INTS1: variants seen among roughly 807,000 people sequenced by gnomAD.
The protein encoded by INTS1 is integrator complex subunit 1.
In INTS1, 137 loss-of-function variants were observed where a neutral mutation model predicts 241.6. That is an observed-to-expected ratio of 0.57 (90% CI 0.49 to 0.65). The LOEUF (loss-of-function observed/expected upper bound fraction) is 0.65. Ranked by LOEUF, INTS1 falls within the 30% of genes least tolerant of loss-of-function variation. The pLI is 0.00. For synonymous variants in INTS1, 1,692 were observed against 1,337.8 expected, an observed-to-expected ratio of 1.26 and a Z score of -5.78; for missense variants, 3,073 against 3,032.2, an observed-to-expected ratio of 1.01 and a Z score of -0.32.
At chr7:1,471,015 C>A (rs1685325256) in intron 46 of INTS1, 60 bp from the exon 47 acceptor site, 2 of 1,519,360 alleles carry the variant, frequency 1.3e-6, no homozygotes, top group South Asian at 1.2e-5. Context: ...AGACCCCCAC[C>A]CGACAGGGCG....
At position 1,489,294 on chromosome 7, in the gene INTS1, C is replaced by T. The variant is rs1227924099; in HGVS notation, c.2318+50G>A. 7 of 111,176 alleles carry T rather than the reference C, an allele frequency of 6.3e-5. No homozygotes were observed. The Admixed American group carries it at 7.4e-4, about 12-fold the overall frequency. The allele number at this position is 111,176 out of a possible 1,614,324, so 6.9% of individuals were successfully genotyped here. On this transcript the variant is annotated intron_variant, in intron 18 of 47. Transcript: ENST00000404767. ...GGAACACAGCCCCAGCGGAACGAGA[C>T]CAGGCCCTGCTCCCCATCCCGGGCC... is the stretch of plus-strand genomic sequence containing the variant.
At chr7:1,488,303 T>C (rs1782377788) in intron 18 of INTS1, among the ~76,000 whole-genome samples, 3 of 152,172 alleles carry the variant, frequency 2.0e-5, no homozygotes. Flanking sequence ...TTGACAGCCA[T>C]GTAGGCTCTG....
chr7:1,471,462 A>G lies in INTS1; in HGVS notation c.6255+109T>C, dbSNP rs1781464108. 5 of 1,246,438 alleles carry G rather than the reference A, an allele frequency of 4.0e-6. No individual in the cohort carries two copies. The East Asian group carries it at 1.2e-4, about 30-fold the overall frequency. 77.2% of individuals were successfully genotyped at this position (1,246,438 alleles called of 1,614,324 possible). A position where few individuals can be genotyped will look rare whatever the true frequency, so the allele number is the denominator to read the frequency against. ...GCCCCCACCCGAAGCCCAGCCTCAG[A>G]GGACTCCCTGGGGCTCAGCGCGGGC... On this transcript the variant is annotated intron_variant, in intron 45 of 47. Transcript: ENST00000404767.
chr7:1,497,121 G>C lies in INTS1; in HGVS notation c.1602+17C>G. 6.3e-7 allele frequency: 1 copy of C among 1,585,662 alleles called. No individual in the cohort carries two copies. Among genetic ancestry groups the C allele is most frequent in the Non-Finnish European group, 8.6e-7 (1 of 1,167,856 alleles). On this transcript the variant is annotated intron_variant, in intron 11 of 47. Coordinates refer to ENST00000404767, the MANE Select transcript of INTS1 (RefSeq NM_001080453.3). The surrounding 1 kb of genome is among the most constrained non-coding windows in gnomAD (Gnocchi z 5.3). ...CCCGCAGTGAGGGAAAGGCGCCCCA[G>C]CGGCGAGGGCTGGCACCTTGAACTC...
rs1157639557 is a variant in INTS1, at chr7:1,503,093, G to A, written c.157C>T (p.Leu53=). The A allele has an allele frequency of 1.9e-6, 3 of 1,610,982 alleles. No individual in the cohort carries two copies. The highest frequency in any genetic ancestry group is 2.5e-6 in the Non-Finnish European group (3 of 1,177,668). The change falls in exon 3 of 48, where the codon CTG becomes TTG. Residue 53 remains leucine (L), a synonymous_variant. Coordinates refer to ENST00000404767, the MANE Select transcript of INTS1 (RefSeq NM_001080453.3). ...GCATCCCGCTTGCGCTCAGAAGGCA[G>A]GCCGGAAGGGGCTGGCTTCAGCAGG... ...STLLKPAPSG[L]PSERKRDAAA...
chr7:1,479,788 C>T, intron 30 of INTS1, 104 bp from the exon 31 acceptor site: 1 of 1,237,586 alleles, frequency 8.1e-7, no homozygotes, highest in Non-Finnish European at 1.1e-6. Flanking sequence ...AACCGCGTCC[C>T]ATCGTGTCCC....
At chr7:1,471,836 G>T in intron 44 of INTS1, 195 bp from the exon 45 acceptor site, 1 of 605,486 alleles carries the variant, frequency 1.7e-6, no homozygotes, top group South Asian at 2.0e-5. Context: ...CCTACTAGTG[G>T]CCTCCAAGGA....
intron 22 of INTS1, among the ~76,000 whole-genome samples, chr7:1,486,300 G>GT (rs1485101312): frequency 1.4e-5 from 2 of 147,154 alleles, no homozygotes; most frequent in Non-Finnish European, 3.0e-5. Flanking sequence ...AGTTTCACTT[G>GT]TTGCCCAGGC....
intron 39 of INTS1, among the ~76,000 whole-genome samples, 175 bp downstream of exon 39, chr7:1,475,773 C>T (rs866876208): frequency 4.9e-4 from 74 of 152,260 alleles, no homozygotes; most frequent in African/African-American, 1.7e-3. Context: ...CCCGCAAGCT[C>T]CCTCGGTATA....
chr7:1,484,202 C>T (rs377280269), intron 24 of INTS1, 32 bp from the exon 25 acceptor site: 1 of 1,587,398 alleles, frequency 6.3e-7, no homozygotes, highest in Non-Finnish European at 8.6e-7. Context: ...GTCAGAGGCT[C>T]CGAGACAGCT....
At chr7:1,471,765 G>A (rs915461253) in intron 44 of INTS1, 124 bp from the exon 45 acceptor site, 23 of 871,396 alleles carry the variant, frequency 2.6e-5, no homozygotes, top group Non-Finnish European at 4.2e-5. Context: ...TGGAAAGCAT[G>A]AGCCCAGTGA....
rs758229876 is a variant in INTS1, at chr7:1,485,398, A to G, written c.3048T>C (p.Asp1016=). Residue 1016 remains aspartate, a synonymous_variant, in exon 23 of 48, where the codon GAT becomes GAC. Transcript: ENST00000404767. ...CCTGCAGCACATCTGTGTCCCCCAC[A>G]TCCTCCTCCATGGGGGGCTCCTTCT... ...GEEKEPPMEE[D]VGDTDVLQGY... 62 of 1,612,590 alleles carry G rather than the reference A, an allele frequency of 3.8e-5. No homozygotes were observed. The highest frequency in any genetic ancestry group is 1.2e-4 in the African/African-American group (9 of 74,924).
intron 5 of INTS1, 111 bp downstream of exon 5, chr7:1,499,773 C>T: frequency 6.8e-7 from 1 of 1,464,892 alleles, no homozygotes; most frequent in Non-Finnish European, 9.2e-7. Flanking sequence ...CCATCACCAC[C>T]AGGGCTGTCA....
chr7:1,500,586 A>G (rs1583165947), intron 3 of INTS1, among the ~76,000 whole-genome samples: 1 of 152,310 alleles, frequency 6.6e-6, no homozygotes, highest in African/African-American at 2.4e-5. Context: ...CTAGCCCACC[A>G]GCCACTCCAG....
At chr7:1,474,952 G>A in intron 39 of INTS1, 114 bp from the exon 40 acceptor site, 1 of 1,377,204 alleles carries the variant, frequency 7.3e-7, no homozygotes, top group Non-Finnish European at 9.7e-7. Context: ...GCCATGAGCA[G>A]AGGAACTGGC....
chr7:1,491,583 A>G (rs953097970), intron 16 of INTS1, among the ~76,000 whole-genome samples: 1 of 152,230 alleles, frequency 6.6e-6, no homozygotes, highest in Non-Finnish European at 1.5e-5. Context: ...AAAATAGATA[A>G]AAGTGGATTT....
rs1373492655 is a variant in INTS1, at chr7:1,471,116, G to A, written c.6347+17C>T. 2 of 1,551,936 alleles carry A rather than the reference G, an allele frequency of 1.3e-6. No individual in the cohort carries two copies. The highest frequency in any genetic ancestry group is 1.7e-6 in the Non-Finnish European group (2 of 1,147,996). On this transcript the variant is annotated intron_variant, in intron 46 of 47. Coordinates refer to ENST00000404767, the MANE Select transcript of INTS1 (RefSeq NM_001080453.3). ...GCCCAGCGGTGGCGGCGGGACAGAGGCCGGCGGTGGCCTCACCTGGGGCTG... is the reference window on the plus strand; with the variant it reads ...GCCCAGCGGTGGCGGCGGGACAGAGACCGGCGGTGGCCTCACCTGGGGCTG...
chr7:1,501,643 G>C (rs953602446), intron 3 of INTS1, among the ~76,000 whole-genome samples: 2 of 152,214 alleles, frequency 1.3e-5, no homozygotes, highest in Admixed American at 6.5e-5. Flanking sequence ...CGGCGGCCGA[G>C]AGCCCGGGCC....
rs543874044 is a variant in INTS1, at chr7:1,472,328, G to T, written c.6129C>A (p.Thr2043=). The T allele has an allele frequency of 8.9e-6, 14 of 1,572,476 alleles. No individual in the cohort carries two copies. The highest frequency in any genetic ancestry group is 5.6e-5 in the Admixed American group (3 of 53,924). Residue 2043 remains threonine, a synonymous_variant, in exon 44 of 48, where the codon ACC becomes ACA. Transcript: ENST00000404767. Reference sequence around the variant, plus strand: ...TCATGTAGGGGGCCATCTCGGCCGCGGTCAGAGGGGTGAACAGGGAGACGC... The same window carrying T: ...TCATGTAGGGGGCCATCTCGGCCGCTGTCAGAGGGGTGAACAGGGAGACGC... ...LVSVSLFTPL[T]AAEMAPYMKR...
Sources: gnomAD v4.1 joint callset for allele counts (sites outside exome capture counted in the v4.1 genomes callset) on GRCh38, gnomAD v4.1.1 for gene constraint, Gnocchi (gnomAD v3.1) non-coding constraint, MANE v1.5 for transcripts, NCBI Gene and HGNC (gene_info 2026-07-23, HGNC 2026-07-21) for gene names.